The following JAZF1 variants were observed in gnomAD, a reference collection of about 807,000 sequenced individuals.
JAZF1 encodes the protein JAZF zinc finger 1.
JAZF1 carries 8 observed loss-of-function variants against 26.4 expected under a neutral mutation model. That is an observed-to-expected ratio of 0.30 (90% CI 0.18 to 0.55). The LOEUF is 0.55. Ranked by LOEUF, JAZF1 falls within the 20% of genes least tolerant of loss-of-function variation. JAZF1 has a pLI of 0.94. For synonymous variants in JAZF1, 126 were observed against 122.3 expected, an observed-to-expected ratio of 1.03 and a Z score of -0.20; for missense variants, 199 against 322.0, an observed-to-expected ratio of 0.62 and a Z score of 2.92.
At chr7:28,094,607 C>A (rs1784353756) in intron 1 of JAZF1, among the ~76,000 whole-genome samples, 1 of 152,110 alleles carries the variant, frequency 6.6e-6, no homozygotes, top group Admixed American at 6.5e-5. Flanking sequence ...ACAGGAATGC[C>A]ATGGGGGAAG....
Position 28,103,480 on chromosome 7 carries a change from C to G in JAZF1, c.115+76983G>C, listed in dbSNP as rs1784505362. ...TAAAATATTTTTTTTTAATTGCCCA[C>G]TGAAGATTATCATTTGGCATCCAAC... On this transcript the variant is annotated intron_variant, in intron 1 of 4. Transcript: ENST00000283928. Among the ~76,000 whole-genome samples, 4 of 152,118 alleles carry G rather than the reference C, an allele frequency of 2.6e-5. No homozygotes were observed. The South Asian group carries it at 8.3e-4, about 31-fold the overall frequency.
intron 3 of JAZF1, among the ~76,000 whole-genome samples, chr7:27,857,405 C>T (rs1783289105): frequency 6.6e-6 from 1 of 152,214 alleles, no homozygotes; most frequent in South Asian, 2.1e-4. Flanking sequence ...TCCACACCTC[C>T]CCACAAGCTG....
At chr7:28,029,200 A>T (rs1783144991) in intron 1 of JAZF1, among the ~76,000 whole-genome samples, 1 of 152,138 alleles carries the variant, frequency 6.6e-6, no homozygotes, top group Admixed American at 6.5e-5. Context: ...CATTCTTGTG[A>T]TGTTCTGCCA....
intron 3 of JAZF1, among the ~76,000 whole-genome samples, chr7:27,879,327 G>A (rs115615682): frequency 3.9e-5 from 6 of 152,212 alleles, no homozygotes; most frequent in East Asian, 1.9e-4. Flanking sequence ...GGTTCATGGC[G>A]CCAGGATGAA....
intron 1 of JAZF1, among the ~76,000 whole-genome samples, chr7:28,109,576 CA>C (rs1784607654): frequency 6.6e-6 from 1 of 151,998 alleles, no homozygotes; most frequent in African/African-American, 2.4e-5. Flanking sequence ...CCAATTATAC[CA>C]TCTCAATCCA....
At chr7:28,111,707 C>G (rs1228366827) in intron 1 of JAZF1, among the ~76,000 whole-genome samples, 3 of 152,112 alleles carry the variant, frequency 2.0e-5, no homozygotes, top group African/African-American at 7.2e-5. Context: ...GCATAGATAC[C>G]TATGGATCAG....
At chr7:27,932,042 C>T (rs1375095477) in intron 2 of JAZF1, among the ~76,000 whole-genome samples, 1 of 152,194 alleles carries the variant, frequency 6.6e-6, no homozygotes, top group East Asian at 1.9e-4. Flanking sequence ...GTTTGATAAA[C>T]TAATAGCGTG....
chr7:27,917,074 T>TAAAA (rs1318746444), intron 2 of JAZF1, among the ~76,000 whole-genome samples: 1 of 152,168 alleles, frequency 6.6e-6, no homozygotes, highest in Non-Finnish European at 1.5e-5. Flanking sequence ...TCTCACCTCT[T>TAAAA]AAAAAAGAAA....
chr7:27,973,701 T>C (rs1324677055), intron 2 of JAZF1, among the ~76,000 whole-genome samples: 1 of 152,214 alleles, frequency 6.6e-6, no homozygotes, highest in Non-Finnish European at 1.5e-5. Flanking sequence ...AATGTCCATC[T>C]TGAAGAACAG....
chr7:27,942,439 T>C (rs1201529993), intron 2 of JAZF1, among the ~76,000 whole-genome samples: 2 of 152,370 alleles, frequency 1.3e-5, no homozygotes, highest in East Asian at 1.9e-4. Context: ...GCCTTGGTAA[T>C]AGCAAATGGA....
intron 3 of JAZF1, among the ~76,000 whole-genome samples, chr7:27,887,740 A>C (rs1250303919): frequency 6.6e-6 from 1 of 151,998 alleles, no homozygotes; most frequent in Admixed American, 6.6e-5. Context: ...CTTCAAGTCA[A>C]AAAAATGTTT....
At chr7:28,002,403 T>A (rs1376135844) in intron 1 of JAZF1, among the ~76,000 whole-genome samples, 1 of 152,336 alleles carries the variant, frequency 6.6e-6, no homozygotes, top group African/African-American at 2.4e-5. Context: ...AGGCTTACTA[T>A]GACAATCGAC....
At chr7:27,931,563 C>T (rs1462412077) in intron 2 of JAZF1, among the ~76,000 whole-genome samples, 1 of 152,148 alleles carries the variant, frequency 6.6e-6, no homozygotes, top group Non-Finnish European at 1.5e-5. Flanking sequence ...GCCTGTAATC[C>T]CAGCACTTTG....
At chr7:27,983,496 G>A (rs1583492393) in intron 2 of JAZF1, among the ~76,000 whole-genome samples, 2 of 152,140 alleles carry the variant, frequency 1.3e-5, no homozygotes, top group Admixed American at 6.5e-5. Context: ...AAAATGACGG[G>A]GAGAATAGAA....
chr7:28,035,114 C>T (rs866377188), intron 1 of JAZF1, among the ~76,000 whole-genome samples: 12 of 151,734 alleles, frequency 7.9e-5, no homozygotes, highest in African/African-American at 9.7e-5. Flanking sequence ...GTCAGGAGTT[C>T]GAGACCAGCC....
chr7:28,063,497 C>CA (rs907712745), intron 1 of JAZF1, among the ~76,000 whole-genome samples: 4 of 152,052 alleles, frequency 2.6e-5, no homozygotes, highest in African/African-American at 9.6e-5. Context: ...AAATTTCCTC[C>CA]AAAAAAATCA....
chr7:28,157,824 C>T (rs79013867), intron 1 of JAZF1, among the ~76,000 whole-genome samples: 2,104 of 152,112 alleles, frequency 0.014, 16 homozygotes, highest in South Asian at 0.026. Flanking sequence ...TGGTGTGACA[C>T]GGTTTGAGTT....
chr7:27,899,587 C>A (rs751288915), intron 2 of JAZF1, among the ~76,000 whole-genome samples: 2 of 152,080 alleles, frequency 1.3e-5, no homozygotes, highest in East Asian at 1.9e-4. Flanking sequence ...GGCACGCCCC[C>A]CCATGCCCAG....
intron 2 of JAZF1, among the ~76,000 whole-genome samples, chr7:27,987,540 G>A (rs886206938): frequency 1.3e-5 from 2 of 151,686 alleles, no homozygotes; most frequent in Non-Finnish European, 2.9e-5. Flanking sequence ...GCCCCTGCCC[G>A]GCCAGCCGCC....
Sources: gnomAD v4.1 joint callset for allele counts (sites outside exome capture counted in the v4.1 genomes callset) on GRCh38, gnomAD v4.1.1 for gene constraint, MANE v1.5 for transcripts, NCBI Gene and HGNC (gene_info 2026-07-23, HGNC 2026-07-21) for gene names.